CUBN: variants seen among roughly 807,000 people sequenced by gnomAD.
CUBN encodes 460 kDa receptor.
Under a neutral mutation model 405.3 loss-of-function variants are expected in CUBN, and 282 were observed. The observed-to-expected ratio is 0.70, with a 90% confidence interval of 0.63 to 0.77. CUBN has a LOEUF of 0.77. Among genes scored for constraint, CUBN ranks in the 30% least tolerant of loss-of-function variants. The pLI is 0.00. For synonymous variants in CUBN, 1,684 were observed against 1,617.0 expected (o/e 1.04, Z -0.99); for missense variants, 4,514 against 4,475.2 (o/e 1.01, Z -0.25).
intron 4 of CUBN, 73 bp downstream of exon 4, chr10:17,126,685 TAAG>T: frequency 1.4e-6 from 2 of 1,472,866 alleles, no homozygotes; most frequent in Non-Finnish European, 1.9e-6. Flanking sequence ...ACCTTCAAAA[TAAG>T]AATAGCAGCT....
intron 48 of CUBN, among the ~76,000 whole-genome samples, chr10:16,908,204 G>A (rs997337757): frequency 4.6e-5 from 7 of 151,978 alleles, no homozygotes; most frequent in African/African-American, 9.7e-5. Context: ...GGAGTGCAGC[G>A]GTGTGATCTT....
intron 17 of CUBN, among the ~76,000 whole-genome samples, chr10:17,083,835 A>G (rs1308901190): frequency 6.6e-6 from 1 of 152,164 alleles, no homozygotes; most frequent in African/African-American, 2.4e-5. Flanking sequence ...GCAAACAAAA[A>G]CAGCCTGTCT....
rs569915247 is a variant in CUBN, at chr10:16,874,444, C to A, written c.9166G>T (p.Ala3056Ser). ...CAGTGCATATCATTTGGGTAGTCTG[C>A]GTATGAATAGGCAGGACTTGTGATG... ...GIITSPAYSY[A>S]DYPNDMHCLY... is the part of the protein sequence containing the mutation. Residue 3056 changes from alanine to serine, a missense_variant, in exon 58 of 67, where the codon GCA becomes TCA. Ala to Ser is a moderately conservative substitution (Grantham distance 99, BLOSUM62 1). This residue lies in a region of CUBN where 1,186 missense variants were observed against 1,186.9 expected (regional missense o/e 1.00). Transcript: ENST00000377833. The A allele has an allele frequency of 5.0e-6, 8 of 1,613,968 alleles. No individual in the cohort carries two copies. Among genetic ancestry groups the A allele is most frequent in the Middle Eastern group, 1.6e-4 (1 of 6,062 alleles).
In CUBN at chr10:17,099,985, T is replaced by C; in HGVS notation, c.1765+20A>G. 6.3e-7 allele frequency: 1 copy of C among 1,580,168 alleles called. No homozygotes were observed. The highest frequency in any genetic ancestry group is 1.1e-5 in the South Asian group (1 of 90,246). ...TAACCTCAAAATTTTGCTTGCTTTT[T>C]TCTCCAGGTTCACACATACCTGGTT... On this transcript the variant is annotated intron_variant, in intron 14 of 66. Coordinates refer to ENST00000377833, the MANE Select transcript of CUBN (RefSeq NM_001081.4).
rs186743051 is a variant in CUBN at position 17,115,390 on chromosome 10, T to G, written c.720+81A>C. On this transcript the variant is annotated intron_variant, in intron 7 of 66. Transcript: ENST00000377833. ...CACCTCTGTAAGCTCCAGGTAGTGC[T>G]TGTATGCAGTGGGCATAGGAGGAGG... 3.8e-6 allele frequency: 6 copies of G among 1,575,082 alleles called. No individual in the cohort carries two copies. The African/African-American group carries it at 8.1e-5, about 21-fold the overall frequency.
At chr10:16,893,196 C>T (rs1056263461) in intron 54 of CUBN, among the ~76,000 whole-genome samples, 6 of 152,152 alleles carry the variant, frequency 3.9e-5, no homozygotes, top group Non-Finnish European at 2.9e-5. Context: ...TATCATTCAA[C>T]TATTTTTTAA....
At chr10:17,029,775 C>CA (rs924907080) in intron 27 of CUBN, among the ~76,000 whole-genome samples, 84 of 152,218 alleles carry the variant, frequency 5.5e-4, no homozygotes, top group African/African-American at 1.9e-3. Flanking sequence ...GCTGCTCAGA[C>CA]AAAATCTCAT....
chr10:16,826,294 A>ACATATTTACATG (rs1554778713), intron 66 of CUBN, among the ~76,000 whole-genome samples: 39,560 of 151,920 alleles, frequency 0.26, 6,042 homozygotes, highest in African/African-American at 0.42. Context: ...AGTTTAACAA[A>ACATATTTACATG]CATATTTACA....
chr10:17,005,439 T>C (rs1833990385), intron 28 of CUBN, among the ~76,000 whole-genome samples: 1 of 152,130 alleles, frequency 6.6e-6, no homozygotes. Flanking sequence ...CTCCTTGGAG[T>C]TGATACTGCC....
chr10:16,990,134 CCT>C (rs1420735705), intron 29 of CUBN, among the ~76,000 whole-genome samples, 198 bp downstream of exon 29: 1 of 152,248 alleles, frequency 6.6e-6, no homozygotes, highest in Non-Finnish European at 1.5e-5. Flanking sequence ...GCTGCAAGGC[CCT>C]CAGGCATTGC....
Position 17,115,483 on chromosome 10 carries a change from C to T in CUBN, c.708G>A (p.Glu236=). 6.2e-7 allele frequency: 1 copy of T among 1,614,064 alleles called. No individual in the cohort carries two copies. The highest frequency in any genetic ancestry group is 8.5e-7 in the Non-Finnish European group (1 of 1,179,978). Residue 236 remains glutamate, a synonymous_variant, in exon 7 of 67, where the codon GAG becomes GAA. Transcript: ENST00000377833. ...GGAAGGGACCCACCTCTCCAGCTTG[C>T]TCTCGCATTAAATCCTCACAGATGC... ...VHGICEDLMR[E]QAGEPKYSCV... is the part of the protein sequence containing the mutation.
At chr10:17,083,990 C>A (rs920717646) in intron 17 of CUBN, among the ~76,000 whole-genome samples, 6 of 152,206 alleles carry the variant, frequency 3.9e-5, no homozygotes, top group Non-Finnish European at 8.8e-5. Context: ...TTTATTACCA[C>A]TTGACTAGCT....
intron 28 of CUBN, among the ~76,000 whole-genome samples, chr10:17,014,539 CT>C (rs1014576965): frequency 1.3e-5 from 2 of 152,192 alleles, no homozygotes; most frequent in African/African-American, 4.8e-5. Flanking sequence ...CCAGTGTAGG[CT>C]GCTTTCGTTC....
chr10:17,062,547 A>G (rs993954925), intron 22 of CUBN, among the ~76,000 whole-genome samples: 3 of 152,238 alleles, frequency 2.0e-5, no homozygotes, highest in African/African-American at 4.8e-5. Context: ...TTAAACCTGT[A>G]CTTGTTAGTT....
In CUBN at chr10:16,838,895, C is replaced by T. The variant is rs1177548515; in HGVS notation, c.10032+1435G>A. Among the ~76,000 whole-genome samples, 3 of 152,220 alleles carry T rather than the reference C, an allele frequency of 2.0e-5. No individual in the cohort carries two copies. In the East Asian group the frequency reaches 5.8e-4, roughly 29 times the overall value. On this transcript the variant is annotated intron_variant, in intron 62 of 66. Coordinates refer to ENST00000377833, the MANE Select transcript of CUBN (RefSeq NM_001081.4). ...TCCTGACCTCAGGTAATCCACCAGC[C>T]TTGGCCTCCCAAAGTGCTGGGATTA...
At chr10:16,907,040 T>C (rs1191040781) in intron 49 of CUBN, among the ~76,000 whole-genome samples, 1 of 152,226 alleles carries the variant, frequency 6.6e-6, no homozygotes, top group African/African-American at 2.4e-5. Flanking sequence ...TGCTTAATTT[T>C]GGAATATTCT....
chr10:16,904,507 T>A (rs1390651152), intron 50 of CUBN, among the ~76,000 whole-genome samples: 1 of 152,212 alleles, frequency 6.6e-6, no homozygotes, highest in Non-Finnish European at 1.5e-5. Context: ...AAAGTGATCA[T>A]TGCCTAAAAT....
In CUBN at chr10:16,990,601, C is replaced by T. The variant is rs961646588; in HGVS notation, c.4169-86G>A. The T allele has an allele frequency of 2.7e-5, 28 of 1,049,066 alleles. No individual in the cohort carries two copies. The African/African-American group carries it at 4.1e-4, about 15-fold the overall frequency. The allele number at this position is 1,049,066 out of a possible 1,614,324, so 65.0% of individuals were successfully genotyped here. The stretch of plus-strand genomic sequence containing the variant: ...CAAATTCAACTCACCGAAAGGCCAT[C>T]AAAAATATACAATGCTTAATTTAGG... On this transcript the variant is annotated intron_variant, in intron 28 of 66. Transcript: ENST00000377833.
At chr10:16,841,417 G>A (rs924881503) in intron 60 of CUBN, among the ~76,000 whole-genome samples, 3 of 152,010 alleles carry the variant, frequency 2.0e-5, no homozygotes, top group African/African-American at 4.8e-5. Context: ...GATTCTGCTC[G>A]TGTTCCTCTT....
Sources: gnomAD v4.1 joint callset for allele counts (sites outside exome capture counted in the v4.1 genomes callset) on GRCh38, gnomAD v4.1.1 for gene constraint, gnomAD v4.1.1 regional missense constraint, MANE v1.5 for transcripts, NCBI Gene and HGNC (gene_info 2026-07-23, HGNC 2026-07-21) for gene names.